Variants in RNF19A observed in about 807,000 individuals in gnomAD.
RNF19A encodes the protein E3 ubiquitin-protein ligase RNF19A.
A neutral mutation model predicts 75.7 loss-of-function variants in RNF19A; 32 were observed. That is an observed-to-expected ratio of 0.42 (90% confidence interval 0.32 to 0.57). RNF19A has a LOEUF of 0.57. Among genes scored for constraint, RNF19A ranks in the 20% least tolerant of loss-of-function variants. The pLI, the probability that RNF19A is intolerant of heterozygous loss-of-function variation, is 0.10. For synonymous variants in RNF19A, 335 were observed against 345.2 expected (o/e 0.97, Z 0.33); for missense variants, 782 against 1,036.3 (o/e 0.75, Z 3.37).
rs1822392230 is a variant in RNF19A at position 100,317,064 on chromosome 8, C to CT, written c.-242-3693dup. 6.6e-6 allele frequency among the ~76,000 whole-genome samples: 1 copy of CT among 151,936 alleles called. No homozygotes were observed. Among genetic ancestry groups the CT allele is most frequent in the Admixed American group, 6.5e-5 (1 of 15,284 alleles). ...GGACCAGCAGCGCTGCCCGGCTACTCTGAGTGCGGGGCCTGCCAAGCCCAC... is the reference window on the plus strand; with the variant it reads ...GGACCAGCAGCGCTGCCCGGCTACTCTTGAGTGCGGGGCCTGCCAAGCCCAC... On this transcript the variant is annotated intron_variant, in intron 1 of 3. Transcript: ENST00000519527. This position sits in a 1 kb window ranked among gnomAD's most constrained non-coding sequence, Gnocchi z 4.3.
chr8:100,267,764 C>T (rs1449103436), intron 5 of RNF19A, among the ~76,000 whole-genome samples: 1 of 151,534 alleles, frequency 6.6e-6, no homozygotes, highest in Non-Finnish European at 1.5e-5. Context: ...GCAACCTCCA[C>T]CTCCCAGGTT....
At chr8:100,266,824 A>G (rs1258321228) in intron 5 of RNF19A, among the ~76,000 whole-genome samples, 8 of 152,264 alleles carry the variant, frequency 5.3e-5, no homozygotes, top group South Asian at 4.1e-4. Context: ...AACATTTTTT[A>G]AAGTCCAGGT....
rs1177204508 is a variant in RNF19A, at chr8:100,269,395, T to C, written c.1029-448A>G. 1.3e-5 allele frequency among the ~76,000 whole-genome samples: 2 copies of C among 151,768 alleles called. No homozygotes were observed. Among genetic ancestry groups the C allele is most frequent in the Non-Finnish European group, 2.9e-5 (2 of 67,924 alleles). ...AGTATAAGGTAAGAACCACTGTAAA[T>C]TATATTAACAAGATACTGATAACTG... On this transcript the variant is annotated intron_variant, in intron 4 of 9. Coordinates refer to ENST00000341084, the MANE Select transcript of RNF19A (RefSeq NM_183419.4). The surrounding 1 kb of genome is among the most constrained non-coding windows in gnomAD (Gnocchi z 5.7).
chr8:100,283,179 C>T (rs1319494978), intron 2 of RNF19A, among the ~76,000 whole-genome samples: 3 of 134,610 alleles, frequency 2.2e-5, no homozygotes, highest in Non-Finnish European at 4.8e-5. Flanking sequence ...GAAGAACTCA[C>T]ATGGGATGAC....
chr8:100,303,845 G>C (rs1295438331), intron 1 of RNF19A, among the ~76,000 whole-genome samples: 1 of 151,662 alleles, frequency 6.6e-6, no homozygotes, highest in Admixed American at 6.6e-5. Context: ...GCTGAGGAAT[G>C]AGAATCGTTT....
intron 1 of RNF19A, among the ~76,000 whole-genome samples, chr8:100,305,955 G>T (rs1006010239): frequency 6.6e-6 from 1 of 152,070 alleles, no homozygotes; most frequent in South Asian, 2.1e-4. Context: ...ATATTAATAC[G>T]TTATATAATA....
At chr8:100,305,237 G>A (rs117100230) in intron 1 of RNF19A, among the ~76,000 whole-genome samples, 51 of 152,296 alleles carry the variant, frequency 3.3e-4, no homozygotes, top group Non-Finnish European at 6.8e-4. Flanking sequence ...AGACAGTAAC[G>A]CGCAAAGTCA....
chr8:100,319,860 A>G (rs1180567701), intron 1 of RNF19A, among the ~76,000 whole-genome samples: 4 of 124,612 alleles, frequency 3.2e-5, no homozygotes, highest in South Asian at 2.5e-4. Flanking sequence ...TTCGAGATGG[A>G]ATTTTGCTCT....
chr8:100,308,705 G>T (rs1205344411), intron 1 of RNF19A, among the ~76,000 whole-genome samples: 2 of 152,036 alleles, frequency 1.3e-5, no homozygotes, highest in Non-Finnish European at 2.9e-5. Flanking sequence ...AAAAAAATGT[G>T]GAATGTAAAG....
intron 3 of RNF19A, 127 bp downstream of exon 3, chr8:100,274,825 TG>T: frequency 1.5e-6 from 1 of 670,376 alleles, no homozygotes; most frequent in Non-Finnish European, 2.5e-6. Flanking sequence ...TGAGTGCTTC[TG>T]GGATAGAAAT....
intron 7 of RNF19A, among the ~76,000 whole-genome samples, chr8:100,262,712 T>G (rs2132495148): frequency 6.6e-6 from 1 of 152,240 alleles, no homozygotes; most frequent in Admixed American, 6.5e-5. Flanking sequence ...CACTATGGAC[T>G]AGTGAATAGA....
chr8:100,305,248 T>C (rs983426712), intron 1 of RNF19A, among the ~76,000 whole-genome samples: 2 of 152,210 alleles, frequency 1.3e-5, no homozygotes, highest in Non-Finnish European at 2.9e-5. Context: ...CGCAAAGTCA[T>C]TTTGTGCGGA....
intron 1 of RNF19A, among the ~76,000 whole-genome samples, chr8:100,290,233 G>A (rs1821226217): frequency 6.6e-6 from 1 of 152,162 alleles, no homozygotes; most frequent in African/African-American, 2.4e-5. Flanking sequence ...TCCTGCCTCA[G>A]CTGGGATTAC....
rs1399000875 is a variant in RNF19A, at chr8:100,260,000, T to C, written c.1683-3A>G. ...GTACATCTGCTTGTACTTCCAACCT[T>C]AAAGGGGGGTATGAAATCACCAAAA... On this transcript the variant is annotated splice_polypyrimidine_tract_variant and splice_region_variant and intron_variant, in intron 8 of 9. Coordinates refer to ENST00000341084, the MANE Select transcript of RNF19A (RefSeq NM_183419.4). This position sits in a 1 kb window ranked among gnomAD's most constrained non-coding sequence, Gnocchi z 4.5. 6.2e-7 allele frequency: 1 copy of C among 1,612,722 alleles called. No homozygotes were observed. The highest frequency in any genetic ancestry group is 8.5e-7 in the Non-Finnish European group (1 of 1,179,174).
At chr8:100,294,489 T>C (rs1327692441) in intron 1 of RNF19A, among the ~76,000 whole-genome samples, 1 of 152,186 alleles carries the variant, frequency 6.6e-6, no homozygotes, top group Non-Finnish European at 1.5e-5. Context: ...GACATCTAGA[T>C]ATCTGAAGGG....
At chr8:100,288,324 A>G (rs1821129466) in intron 1 of RNF19A, 57 bp from the exon 2 acceptor site, 1 of 1,110,326 alleles carries the variant, frequency 9.0e-7, no homozygotes, top group African/African-American at 1.6e-5. Flanking sequence ...TAGTTTGTAT[A>G]TTTTTATAAA....
chr8:100,306,392 T>A (rs923307575), intron 1 of RNF19A, among the ~76,000 whole-genome samples: 1 of 152,146 alleles, frequency 6.6e-6, no homozygotes, highest in Non-Finnish European at 1.5e-5. Flanking sequence ...AAATTAACAG[T>A]AATTCTTTAG....
chr8:100,327,323 C>A (rs1822549039), intron 1 of RNF19A, among the ~76,000 whole-genome samples: 1 of 129,730 alleles, frequency 7.7e-6, no homozygotes, highest in Non-Finnish European at 1.5e-5. Context: ...ATGATCTTGG[C>A]TCACTGCAAC....
At chr8:100,290,447 G>C (rs1362257697) in intron 1 of RNF19A, among the ~76,000 whole-genome samples, 1 of 152,146 alleles carries the variant, frequency 6.6e-6, no homozygotes, top group Non-Finnish European at 1.5e-5. Context: ...ACAAAGGTAT[G>C]TTCACTTTGT....
Sources: gnomAD v4.1 joint callset for allele counts (sites outside exome capture counted in the v4.1 genomes callset) on GRCh38, gnomAD v4.1.1 for gene constraint, Gnocchi (gnomAD v3.1) non-coding constraint, MANE v1.5 for transcripts, NCBI Gene and HGNC (gene_info 2026-07-23, HGNC 2026-07-21) for gene names.